AFF3: variants seen among roughly 807,000 people sequenced by gnomAD.
The protein encoded by AFF3 is ALF transcription elongation factor 3.
A neutral mutation model predicts 129.7 loss-of-function variants in AFF3; 32 were observed. The ratio of observed to expected loss-of-function variants is 0.25; its 90% CI spans 0.19 to 0.33. The LOEUF (loss-of-function observed/expected upper bound fraction) is 0.33. Ranked by LOEUF, AFF3 falls within the 10% of genes least tolerant of loss-of-function variation. The probability of loss-of-function intolerance (pLI) is 1.00; values close to 1 mark genes in which losing one functional copy is unlikely to be tolerated. For missense variants in AFF3, 1,373 were observed against 1,592.0 expected (o/e 0.86, Z 2.34); for synonymous variants, 644 against 635.4 (o/e 1.01, Z -0.20).
rs537205605 is a variant in AFF3, at chr2:99,705,157, G to A, written c.1091+21920C>T. On this transcript the variant is annotated intron_variant, in intron 11 of 24. Transcript: ENST00000672756. ...GTTAAAGACTGGGAAGATGTCAGAG[G>A]CTTGGCCCAGGGGCAACTAAACCAT... Among the ~76,000 whole-genome samples the A allele has an allele frequency of 2.6e-5, 4 of 152,312 alleles. No individual in the cohort carries two copies. The East Asian group carries it at 7.7e-4, about 29-fold the overall frequency.
chr2:99,656,879 T>C (rs1205645555), intron 12 of AFF3, among the ~76,000 whole-genome samples: 9 of 152,172 alleles, frequency 5.9e-5, no homozygotes, highest in African/African-American at 2.2e-4. Flanking sequence ...CGGTCAACTT[T>C]GACCTCATCC....
chr2:99,943,186 C>T (rs1675224043), intron 7 of AFF3, among the ~76,000 whole-genome samples: 1 of 152,110 alleles, frequency 6.6e-6, no homozygotes, highest in African/African-American at 2.4e-5. Context: ...GAGCAACAGC[C>T]CCCAGGATCT....
chr2:99,693,269 C>A (rs916346617), intron 11 of AFF3, among the ~76,000 whole-genome samples: 1 of 152,082 alleles, frequency 6.6e-6, no homozygotes, highest in African/African-American at 2.4e-5. Flanking sequence ...AAATTATTGC[C>A]CCAAAATGGG....
chr2:99,644,994 C>G (rs968752081), intron 13 of AFF3, among the ~76,000 whole-genome samples: 12 of 152,172 alleles, frequency 7.9e-5, no homozygotes, highest in Admixed American at 5.9e-4. Context: ...GAATTCTGTC[C>G]CTTTGCAAAC....
chr2:100,044,336 C>A (rs563073628), intron 4 of AFF3, among the ~76,000 whole-genome samples: 1 of 152,310 alleles, frequency 6.6e-6, no homozygotes, highest in African/African-American at 2.4e-5. Context: ...CTGTTTTCAT[C>A]TGTCACTGTC....
At chr2:99,688,779 G>A (rs533104976) in intron 11 of AFF3, among the ~76,000 whole-genome samples, 4 of 152,220 alleles carry the variant, frequency 2.6e-5, no homozygotes, top group South Asian at 2.1e-4. Context: ...AGGCCACTGC[G>A]CCTGGGCATC....
At position 99,548,123 on chromosome 2, in the gene AFF3, G is replaced by C. The variant is rs746896608; in HGVS notation, c.*3351C>G. 4.9e-5 allele frequency: 10 copies of C among 203,848 alleles called. No homozygotes were observed. The highest frequency in any genetic ancestry group is 8.1e-5 in the Non-Finnish European group (8 of 99,276). The allele number at this position is 203,848 out of a possible 1,614,324, so 12.6% of individuals were successfully genotyped here. A position where few individuals can be genotyped will look rare whatever the true frequency, so the allele number is the denominator to read the frequency against. ...CCAAATTTTGATCAGGAATATACCT[G>C]GACTACTCTCTTTCAAAGGCAATTG... On this transcript the variant is annotated 3_prime_UTR_variant, in exon 25 of 25. Transcript: ENST00000672756.
intron 7 of AFF3, among the ~76,000 whole-genome samples, chr2:99,938,895 A>G (rs1417578702): frequency 6.6e-6 from 1 of 152,190 alleles, no homozygotes; most frequent in East Asian, 1.9e-4. Flanking sequence ...GCCTTTATAC[A>G]TGCAGCCCCT....
At chr2:99,664,430 T>C (rs1408682020) in intron 12 of AFF3, among the ~76,000 whole-genome samples, 1 of 152,242 alleles carries the variant, frequency 6.6e-6, no homozygotes, top group Non-Finnish European at 1.5e-5. Context: ...AGACTTCTGT[T>C]TGAGATAACT....
chr2:99,695,046 T>C (rs1038536246), intron 11 of AFF3, among the ~76,000 whole-genome samples: 3 of 152,106 alleles, frequency 2.0e-5, no homozygotes, highest in East Asian at 1.9e-4. Context: ...ATAATATAAT[T>C]AGTAAATTTT....
intron 2 of AFF3, among the ~76,000 whole-genome samples, chr2:100,113,481 A>C (rs1691601406): frequency 6.6e-6 from 1 of 152,226 alleles, no homozygotes; most frequent in Non-Finnish European, 1.5e-5. Flanking sequence ...TGCTATGATG[A>C]GAGAAGTGCA....
At chr2:99,714,597 A>G (rs891981585) in intron 11 of AFF3, among the ~76,000 whole-genome samples, 1 of 152,192 alleles carries the variant, frequency 6.6e-6, no homozygotes, top group Non-Finnish European at 1.5e-5. Flanking sequence ...TTAGACATAT[A>G]TTGCTAGAGC....
At chr2:100,127,238 G>C (rs1234958265) in intron 2 of AFF3, among the ~76,000 whole-genome samples, 2 of 152,204 alleles carry the variant, frequency 1.3e-5, no homozygotes, top group Admixed American at 1.3e-4. Flanking sequence ...GACTGCATTT[G>C]TCTCATTTTA....
At chr2:99,594,382 A>C in intron 14 of AFF3, 93 bp from the exon 15 acceptor site, 1 of 1,502,390 alleles carries the variant, frequency 6.7e-7, no homozygotes, top group Non-Finnish European at 8.9e-7. Flanking sequence ...TTACTTCTCT[A>C]AGTATATGAG....
intron 7 of AFF3, among the ~76,000 whole-genome samples, chr2:99,866,166 G>C (rs908068608): frequency 6.6e-6 from 1 of 152,158 alleles, no homozygotes; most frequent in Admixed American, 6.5e-5. Context: ...CCTCAGAGAG[G>C]TTTACAATCA....
chr2:99,939,989 A>C (rs1674876562), intron 7 of AFF3, among the ~76,000 whole-genome samples: 1 of 152,246 alleles, frequency 6.6e-6, no homozygotes, highest in Non-Finnish European at 1.5e-5. Context: ...AGTCATTTAA[A>C]AGTTAATTTT....
intron 4 of AFF3, among the ~76,000 whole-genome samples, chr2:100,033,695 C>T (rs1160306757): frequency 2.0e-5 from 3 of 152,122 alleles, no homozygotes; most frequent in Non-Finnish European, 4.4e-5. Context: ...AACAAATCAG[C>T]ATTTCCCACT....
At chr2:99,908,296 C>A (rs1400520533) in intron 7 of AFF3, among the ~76,000 whole-genome samples, 2 of 152,098 alleles carry the variant, frequency 1.3e-5, no homozygotes, top group Admixed American at 6.5e-5. Flanking sequence ...GAAACTGGAT[C>A]CCTTCCTTAC....
chr2:100,018,013 T>C (rs1475634325), intron 4 of AFF3, among the ~76,000 whole-genome samples: 1 of 128,886 alleles, frequency 7.8e-6, no homozygotes, highest in Non-Finnish European at 1.7e-5. Context: ...TTGGTTGATA[T>C]GTGTGTGTGT....
Sources: allele counts gnomAD v4.1 joint callset (sites outside exome capture counted in the v4.1 genomes callset), GRCh38; gene constraint gnomAD v4.1.1; transcripts MANE v1.5; gene names NCBI Gene and HGNC (gene_info 2026-07-23, HGNC 2026-07-21).